Variants in NHS observed in about 807,000 individuals in gnomAD.
NHS encodes the protein actin remodeling regulator NHS.
A neutral mutation model predicts 72.5 loss-of-function variants in NHS; 5 were observed. The observed-to-expected ratio is 0.07, with a 90% CI of 0.04 to 0.14. NHS has a LOEUF of 0.14. NHS is among the 10% of genes least tolerant of loss of function. NHS has a pLI of 1.00. For synonymous variants in NHS, 464 were observed against 547.7 expected (o/e 0.85, Z 2.13); for missense variants, 1,072 against 1,355.7 (o/e 0.79, Z 3.29).
chrX:17,605,941 T>C (rs980207220), intron 1 of NHS, among the ~76,000 whole-genome samples: 4 of 112,170 alleles, frequency 3.6e-5, no homozygotes, highest in African/African-American at 1.3e-4. Context: ...AATGACCCAA[T>C]TGTTAAATTG....
chrX:17,523,776 A>C (rs1051196828), intron 1 of NHS, among the ~76,000 whole-genome samples: 18 of 112,071 alleles, frequency 1.6e-4, no homozygotes, highest in Non-Finnish European at 2.6e-4. Context: ...CCGGCAAAAG[A>C]AATAAGACCT....
In NHS at chrX:17,495,804, T is replaced by G. The variant is rs192379129; in HGVS notation, c.565+119482T>G. Among the ~76,000 whole-genome samples, 288 of 112,140 alleles carry G rather than the reference T, an allele frequency of 2.6e-3. 1 individual carries two copies. Among genetic ancestry groups the G allele is most frequent in the African/African-American group, 9.0e-3 (279 of 30,868 alleles). ...GCAGATATTTCACACAGAGGGAATT[T>G]AATATAAGGAATTGGCTCCACTGGT... On this transcript the variant is annotated intron_variant, in intron 1 of 8. Transcript: ENST00000676302.
At chrX:17,488,993 C>A (rs947769048) in intron 1 of NHS, among the ~76,000 whole-genome samples, 4 of 111,019 alleles carry the variant, frequency 3.6e-5, no homozygotes, top group African/African-American at 1.3e-4. Flanking sequence ...TCCCTGTGTT[C>A]ATGTGTTCTC....
chrX:17,613,669 C>T (rs1369407054), intron 1 of NHS, among the ~76,000 whole-genome samples: 1 of 111,786 alleles, frequency 8.9e-6, no homozygotes, highest in Non-Finnish European at 1.9e-5. Flanking sequence ...AATCCCACTT[C>T]TGTTCTTGTA....
chrX:17,459,367 G>A (rs1190049354), intron 1 of NHS, among the ~76,000 whole-genome samples: 2 of 111,810 alleles, frequency 1.8e-5, no homozygotes, highest in Non-Finnish European at 3.8e-5. Context: ...CCAAGTGAAT[G>A]GGCCAGTTCG....
At chrX:17,575,230 C>T (rs889870034) in intron 1 of NHS, among the ~76,000 whole-genome samples, 1 of 112,613 alleles carries the variant, frequency 8.9e-6, no homozygotes, top group Non-Finnish European at 1.9e-5. Flanking sequence ...TCCTTTCCTT[C>T]CCACTGCACT....
chrX:17,617,597 A>G (rs1044118383), intron 1 of NHS, among the ~76,000 whole-genome samples: 5 of 112,472 alleles, frequency 4.4e-5, no homozygotes, highest in African/African-American at 1.6e-4. Context: ...CACCTAAGCC[A>G]GTATCCAGTC....
chrX:17,638,218 T>C (rs2065860570), intron 1 of NHS, among the ~76,000 whole-genome samples: 1 of 111,893 alleles, frequency 8.9e-6, no homozygotes, highest in Non-Finnish European at 1.9e-5. Context: ...TCATTATCAG[T>C]GTCATCTTAG....
At chrX:17,636,615 G>A (rs1460899467) in intron 1 of NHS, among the ~76,000 whole-genome samples, 1 of 112,243 alleles carries the variant, frequency 8.9e-6, no homozygotes, top group Admixed American at 9.4e-5. Flanking sequence ...ACAGGGCCAA[G>A]TTTCAAGGGT....
At chrX:17,704,454 C>A (rs1351513778) in intron 3 of NHS, among the ~76,000 whole-genome samples, 6 of 109,858 alleles carry the variant, frequency 5.5e-5, no homozygotes, top group Non-Finnish European at 1.1e-4. Flanking sequence ...TTACGCGCCA[C>A]CACGCCTGGC....
At chrX:17,479,912 C>T (rs2064939123) in intron 1 of NHS, among the ~76,000 whole-genome samples, 1 of 111,865 alleles carries the variant, frequency 8.9e-6, no homozygotes, top group Admixed American at 9.5e-5. Flanking sequence ...TGCCATTTGT[C>T]AATTTTGGCT....
chrX:17,445,991 C>G (rs111692226), intron 1 of NHS, among the ~76,000 whole-genome samples: 1,607 of 110,757 alleles, frequency 0.015, 35 homozygotes, highest in African/African-American at 0.05. Context: ...TCTGTTTTTC[C>G]TCTTCTCATA....
chrX:17,694,052 T>C (rs944870297), intron 3 of NHS, among the ~76,000 whole-genome samples: 5 of 112,121 alleles, frequency 4.5e-5, no homozygotes, highest in Non-Finnish European at 9.4e-5. Flanking sequence ...AATATAACCC[T>C]TTCTCATGAT....
At chrX:17,391,980 G>A (rs1020171293) in intron 1 of NHS, among the ~76,000 whole-genome samples, 1 of 111,952 alleles carries the variant, frequency 8.9e-6, no homozygotes, top group Non-Finnish European at 1.9e-5. Flanking sequence ...ATGCCTAGGT[G>A]TTCACCAACT....
At chrX:17,692,233 C>CTT (rs11347866) in intron 2 of NHS, 102 bp from the exon 3 acceptor site, 918 of 880,905 alleles carry the variant, frequency 1.0e-3, no homozygotes, top group Middle Eastern at 1.6e-3. Flanking sequence ...TGAAAACTCA[C>CTT]TTTTTTTTTT....
intron 1 of NHS, among the ~76,000 whole-genome samples, chrX:17,605,219 G>T (rs990241554): frequency 1.6e-4 from 18 of 112,011 alleles, no homozygotes; most frequent in Admixed American, 1.1e-3. Context: ...ACAGATTTAA[G>T]GCTATAGCTA....
chrX:17,698,716 T>A (rs1321792785), intron 3 of NHS, among the ~76,000 whole-genome samples: 1 of 111,554 alleles, frequency 9.0e-6, no homozygotes, highest in Non-Finnish European at 1.9e-5. Context: ...TATAACATCA[T>A]ATTATATTAG....
At chrX:17,655,472 G>T (rs1211032683) in intron 1 of NHS, among the ~76,000 whole-genome samples, 2 of 112,561 alleles carry the variant, frequency 1.8e-5, no homozygotes, top group African/African-American at 6.4e-5. Context: ...GCTGGCTCCC[G>T]CGCGCCACCG....
Position 17,541,767 on chromosome X carries a change from A to AACACACACACACACACACACACAC in NHS, c.566-145950_566-145927dup, listed in dbSNP as rs57700886. Among the ~76,000 whole-genome samples the AACACACACACACACACACACACAC allele has an allele frequency of 2.6e-3, 165 of 62,912 alleles. 6 individuals carry two copies. The highest frequency in any genetic ancestry group is 2.7e-3 in the African/African-American group (37 of 13,514). 54.6% of individuals were successfully genotyped at this position (62,912 alleles called of 115,157 possible). ...AGAGCCCAAGGTATCTGAGTTTGCG[A>AACACACACACACACACACACACAC]ACACACACACACACACACACACACA... On this transcript the variant is annotated intron_variant, in intron 1 of 8. Transcript: ENST00000676302.
Sources: gnomAD v4.1 joint callset for allele counts (sites outside exome capture counted in the v4.1 genomes callset) on GRCh38, gnomAD v4.1.1 for gene constraint, MANE v1.5 for transcripts, NCBI Gene and HGNC (gene_info 2026-07-23, HGNC 2026-07-21) for gene names.